The following ASMTL variants were observed in gnomAD, a reference collection of about 807,000 sequenced individuals.
ASMTL encodes probable bifunctional dTTP/UTP pyrophosphatase/methyltransferase protein.
A neutral mutation model predicts 60.3 loss-of-function variants in ASMTL; 57 were observed. The observed-to-expected ratio is 0.95, with a 90% CI of 0.76 to 1.18. ASMTL has a LOEUF of 1.18. Among genes scored for constraint, ASMTL ranks in the 50% most tolerant of loss-of-function variants. The probability of loss-of-function intolerance (pLI) is 0.00; values close to 1 mark genes in which losing one functional copy is unlikely to be tolerated. For missense variants in ASMTL, 981 were observed against 852.6 expected, an observed-to-expected ratio of 1.15 and a Z score of -1.88; for synonymous variants, 419 against 373.0, an observed-to-expected ratio of 1.12 and a Z score of -1.42.
At chrX:1,416,094 GACAC>G (rs771173789) in intron 11 of ASMTL, among the ~76,000 whole-genome samples, 6 of 147,826 alleles carry the variant, frequency 4.1e-5, no homozygotes, top group Non-Finnish European at 5.9e-5. Flanking sequence ...CTCACGCACG[GACAC>G]ACAGTGATAC....
chrX:1,437,060 A>G (rs193207811), intron 3 of ASMTL, among the ~76,000 whole-genome samples: 1,590 of 143,736 alleles, frequency 0.011, 26 homozygotes, highest in African/African-American at 0.038. Context: ...CTGTGTCCTC[A>G]TCTCCTCTTC....
intron 5 of ASMTL, among the ~76,000 whole-genome samples, chrX:1,434,558 C>G (rs1348561869): frequency 1.3e-5 from 2 of 150,628 alleles, no homozygotes; most frequent in Non-Finnish European, 2.9e-5. Context: ...AATCCCAGCA[C>G]TTTGGGAGGC....
intron 8 of ASMTL, among the ~76,000 whole-genome samples, chrX:1,422,528 GC>G (rs1391301831): frequency 2.0e-5 from 3 of 152,030 alleles, no homozygotes; most frequent in Admixed American, 6.6e-5. Flanking sequence ...CCCACTTCAT[GC>G]CCAGGTCAGC....
In ASMTL at chrX:1,403,169, C is replaced by G; in HGVS notation, c.*100G>C. 1.0e-6 allele frequency: 1 copy of G among 964,602 alleles called. No individual in the cohort carries two copies. The highest frequency in any genetic ancestry group is 1.6e-6 in the Non-Finnish European group (1 of 611,350). 59.8% of individuals were successfully genotyped at this position (964,602 alleles called of 1,614,324 possible). A position where few individuals can be genotyped will look rare whatever the true frequency, so the allele number is the denominator to read the frequency against. ...TTTTGCTTTCTTTATTCAGTCACGA[C>G]TACACGCTCCTATGTGACTGTCCTA... On this transcript the variant is annotated 3_prime_UTR_variant, in exon 13 of 13. Coordinates refer to ENST00000381317, the MANE Select transcript of ASMTL (RefSeq NM_004192.4).
intron 6 of ASMTL, among the ~76,000 whole-genome samples, chrX:1,429,927 T>C (rs2090723276): frequency 6.6e-6 from 1 of 152,164 alleles, no homozygotes; most frequent in South Asian, 2.1e-4. Context: ...ACTTCAGATG[T>C]AGTGTGCTGG....
At chrX:1,425,402 C>T in intron 8 of ASMTL, 123 bp downstream of exon 8, 1 of 1,163,340 alleles carries the variant, frequency 8.6e-7, no homozygotes, top group Non-Finnish European at 1.2e-6. Flanking sequence ...AGCAGCATTC[C>T]TGAGGGCAGA....
chrX:1,433,394 G>C (rs189127075), intron 5 of ASMTL, among the ~76,000 whole-genome samples: 153 of 150,992 alleles, frequency 1.0e-3, no homozygotes, highest in East Asian at 9.8e-4. Flanking sequence ...GACCGCGCGC[G>C]GTGGCTCACG....
chrX:1,435,809 C>T, intron 3 of ASMTL, 51 bp from the exon 4 acceptor site: 1 of 1,490,790 alleles, frequency 6.7e-7, no homozygotes, highest in Non-Finnish European at 9.4e-7. Flanking sequence ...TGGGTCAGGC[C>T]TGTGCAAGTC....
At chrX:1,411,193 A>C (rs755851712) in intron 12 of ASMTL, among the ~76,000 whole-genome samples, 3 of 146,530 alleles carry the variant, frequency 2.0e-5, no homozygotes, top group Non-Finnish European at 3.0e-5. Flanking sequence ...CAAAAAAAAA[A>C]AAGAAGAGAG....
At chrX:1,453,359 GGCACCGCCCCGGCCGCTTGGTGAA>G (rs1423233323), upstream of ASMTL, among the ~76,000 whole-genome samples, 3 of 137,676 alleles carry the variant, frequency 2.2e-5, no homozygotes, top group Non-Finnish European at 3.2e-5. Context: ...CTCCCCCCCG[GGCACCGCCCCGGCCGCTTGGTGAA>G]GCACCGCCCC....
At chrX:1,445,991 C>G (rs1396671488) in intron 1 of ASMTL, among the ~76,000 whole-genome samples, 4 of 152,076 alleles carry the variant, frequency 2.6e-5, no homozygotes, top group Admixed American at 2.6e-4. Context: ...ATCAGTCAGA[C>G]CCGCCCGCAG....
intron 11 of ASMTL, chrX:1,413,058 C>T (rs768428543): frequency 7.1e-5 from 43 of 606,114 alleles, no homozygotes; most frequent in South Asian, 2.0e-4. Flanking sequence ...CACGCCCGTG[C>T]GGTTTGACTC....
In ASMTL at chrX:1,442,334, G is replaced by A. The variant is rs775577406; in HGVS notation, c.94-17C>T. ...CCTGAGACCCTGCAACAGTAGAAAA[G>A]GGGTCAGAAGGGTCAATGAAAGACC... On this transcript the variant is annotated splice_polypyrimidine_tract_variant and intron_variant, in intron 1 of 12. Coordinates refer to ENST00000381317, the MANE Select transcript of ASMTL (RefSeq NM_004192.4). The A allele has an allele frequency of 5.0e-6, 8 of 1,613,600 alleles. No individual in the cohort carries two copies. The highest frequency in any genetic ancestry group is 5.9e-6 in the Non-Finnish European group (7 of 1,179,814).
intron 9 of ASMTL, 78 bp downstream of exon 9, chrX:1,421,580 G>T: frequency 6.8e-7 from 1 of 1,470,490 alleles, no homozygotes; most frequent in Non-Finnish European, 9.4e-7. Context: ...TGGTCAAGGT[G>T]CCTACTGATC....
At chrX:1,433,337 G>A (rs1156700653) in intron 5 of ASMTL, among the ~76,000 whole-genome samples, 14 of 151,682 alleles carry the variant, frequency 9.2e-5, no homozygotes, top group Non-Finnish European at 1.6e-4. Context: ...TTGCTCCCCA[G>A]TGGCGGATGA....
At chrX:1,426,844 C>A (rs769915717) in intron 7 of ASMTL, among the ~76,000 whole-genome samples, 3 of 152,042 alleles carry the variant, frequency 2.0e-5, no homozygotes, top group South Asian at 2.1e-4. Flanking sequence ...GGGGATCAGG[C>A]TATGAACAGA....
At chrX:1,419,525 G>A (rs192530163) in intron 9 of ASMTL, among the ~76,000 whole-genome samples, 6 of 152,164 alleles carry the variant, frequency 3.9e-5, no homozygotes, top group East Asian at 1.9e-4. Context: ...ACAATGGTGC[G>A]GTGTGCAGAG....
chrX:1,403,282 T>A lies in ASMTL; in HGVS notation c.1853A>T (p.Lys618Ile). The change falls in exon 13 of 13, where the codon AAA (lysine) becomes ATA (isoleucine). Residue 618 changes from lysine (K) to isoleucine (I), a missense_variant. By Grantham distance (102) the Lys-to-Ile change is moderately radical. Transcript: ENST00000381317. ...GGVLDAILAT[K>I]VAP ...GCTGCCTGGGCTTCAGGGGGCCACTTTGGTGGCCAAGATGGCATCCAGGAC... is the reference window on the plus strand; with the variant it reads ...GCTGCCTGGGCTTCAGGGGGCCACTATGGTGGCCAAGATGGCATCCAGGAC... 5.0e-6 allele frequency: 8 copies of A among 1,612,662 alleles called. No homozygotes were observed. The highest frequency in any genetic ancestry group is 6.8e-6 in the Non-Finnish European group (8 of 1,179,704).
chrX:1,432,743 C>G lies in ASMTL; in HGVS notation c.401-366G>C, dbSNP rs1415622225. Among the ~76,000 whole-genome samples, 12 of 152,154 alleles carry G rather than the reference C, an allele frequency of 7.9e-5. No individual in the cohort carries two copies. In the East Asian group the frequency reaches 9.7e-4, roughly 12 times the overall value. On this transcript the variant is annotated intron_variant, in intron 5 of 12. Transcript: ENST00000381317. ...ACTCGGGAGGCTGAGGCAGGAGAAT[C>G]GCTTGAACCCGGGAGGTGCAGGTTG...
Sources: allele counts gnomAD v4.1 joint callset (sites outside exome capture counted in the v4.1 genomes callset), GRCh38; gene constraint gnomAD v4.1.1; transcripts MANE v1.5; gene names NCBI Gene and HGNC (gene_info 2026-07-23, HGNC 2026-07-21).